Variants in BMPR1B observed in about 807,000 individuals in gnomAD.
The protein encoded by BMPR1B is bone morphogenetic protein receptor type-1B.
Under a neutral mutation model 59.1 loss-of-function variants are expected in BMPR1B, and 12 were observed. That is an observed-to-expected ratio of 0.20 (90% CI 0.13 to 0.33). The LOEUF is 0.33. Among genes scored for constraint, BMPR1B ranks in the 10% least tolerant of loss-of-function variants. BMPR1B has a pLI of 1.00. For missense variants in BMPR1B, 550 were observed against 610.9 expected, an observed-to-expected ratio of 0.90 and a Z score of 1.05; for synonymous variants, 237 against 207.3, an observed-to-expected ratio of 1.14 and a Z score of -1.23.
At position 94,982,611 on chromosome 4, in the gene BMPR1B, C is replaced by T. The variant is rs148179981; in HGVS notation, c.-112-13429C>T. ...TCCTCGTTGATATTAATGTGCAGCA[C>T]GATTTAAGAACCACTGGCCAAAAAC... On this transcript the variant is annotated intron_variant, in intron 2 of 12. Coordinates refer to ENST00000515059, the MANE Select transcript of BMPR1B (RefSeq NM_001203.3). 4.6e-5 allele frequency among the ~76,000 whole-genome samples: 7 copies of T among 152,238 alleles called. No individual in the cohort carries two copies. In the East Asian group the frequency reaches 7.7e-4, roughly 17 times the overall value.
intron 1 of BMPR1B, among the ~76,000 whole-genome samples, chr4:94,824,410 A>AT (rs1172464330): frequency 6.6e-6 from 1 of 152,210 alleles, no homozygotes; most frequent in African/African-American, 2.4e-5. Context: ...CACTGTGAGC[A>AT]TGTGAACAGA....
intron 3 of BMPR1B, among the ~76,000 whole-genome samples, chr4:95,008,784 AG>A (rs1488313411): frequency 6.6e-6 from 1 of 152,192 alleles, no homozygotes; most frequent in Non-Finnish European, 1.5e-5. Flanking sequence ...CAGTAAGAAA[AG>A]TAAATTTGGT....
At chr4:94,973,082 A>G (rs1730877840) in intron 2 of BMPR1B, among the ~76,000 whole-genome samples, 1 of 152,110 alleles carries the variant, frequency 6.6e-6, no homozygotes, top group Non-Finnish European at 1.5e-5. Flanking sequence ...GGGCACCAGC[A>G]ATAGCAAACT....
intron 1 of BMPR1B, among the ~76,000 whole-genome samples, chr4:94,857,071 ACT>A (rs1306811355): frequency 6.6e-6 from 1 of 152,156 alleles, no homozygotes; most frequent in African/African-American, 2.4e-5. Context: ...TGCTTCAGGA[ACT>A]CTTTCAGATT....
chr4:94,784,651 C>T (rs1049337305), intron 1 of BMPR1B, among the ~76,000 whole-genome samples: 1 of 152,094 alleles, frequency 6.6e-6, no homozygotes, highest in African/African-American at 2.4e-5. Context: ...AGCCACTGCA[C>T]CCAGCCTAAA....
intron 1 of BMPR1B, among the ~76,000 whole-genome samples, chr4:94,841,486 C>A (rs533009641): frequency 1.3e-5 from 2 of 152,268 alleles, no homozygotes; most frequent in East Asian, 1.9e-4. Flanking sequence ...TTAAGCCGGT[C>A]GGAAAAGCGC....
intron 6 of BMPR1B, among the ~76,000 whole-genome samples, chr4:95,116,421 G>GCGCGCGCACACGCACACACACACA: frequency 8.1e-6 from 1 of 123,198 alleles, no homozygotes; most frequent in African/African-American, 3.6e-5. Context: ...TTCAGCGCGC[G>GCGCGCGCACACGCACACACACACA]CACACACACA....
intron 2 of BMPR1B, among the ~76,000 whole-genome samples, chr4:94,954,538 T>C (rs1730069415): frequency 6.6e-6 from 1 of 152,212 alleles, no homozygotes; most frequent in Non-Finnish European, 1.5e-5. Flanking sequence ...CTTTGCAGAA[T>C]TGTGATGAGA....
intron 4 of BMPR1B, 46 bp from the exon 5 acceptor site, chr4:95,114,652 ACACACACACACACACACTGACT>A: frequency 1.6e-6 from 2 of 1,288,692 alleles, no homozygotes; most frequent in Non-Finnish European, 2.2e-6. Flanking sequence ...CTAGACACAC[ACACACACACACACACACTGACT>A]CACACACACA....
intron 2 of BMPR1B, among the ~76,000 whole-genome samples, chr4:94,909,571 T>C (rs768069363): frequency 6.6e-6 from 1 of 152,064 alleles, no homozygotes; most frequent in Non-Finnish European, 1.5e-5. Context: ...AAGTGGAACA[T>C]GTTAGTGATA....
intron 1 of BMPR1B, among the ~76,000 whole-genome samples, chr4:94,837,275 G>GT (rs1472725100): frequency 2.0e-5 from 3 of 149,542 alleles, no homozygotes; most frequent in African/African-American, 4.9e-5. Context: ...CTTTAAAGTA[G>GT]TTTTTTTCCA....
intron 2 of BMPR1B, among the ~76,000 whole-genome samples, chr4:94,932,588 T>C (rs775374821): frequency 3.3e-5 from 5 of 152,280 alleles, no homozygotes; most frequent in Non-Finnish European, 7.4e-5. Flanking sequence ...GAAACAGGTT[T>C]AGGGCAGTTT....
At chr4:95,133,666 G>T (rs77224072) in intron 10 of BMPR1B, among the ~76,000 whole-genome samples, 15,772 of 151,910 alleles carry the variant, frequency 0.1, 2,019 homozygotes, top group African/African-American at 0.3. Context: ...TGACCTTCGA[G>T]GCCCAAGCAG....
In BMPR1B at chr4:94,859,030, CTTAA is replaced by C. The variant is rs539873454; in HGVS notation, c.-182-16797_-182-16794del. ...GCATGTCAACATAATTTATAATTGC[CTTAA>C]TTATTTTATTAATGCAAGACTTTTA... On this transcript the variant is annotated intron_variant, in intron 1 of 12. Transcript: ENST00000515059. Among the ~76,000 whole-genome samples, 116 of 152,128 alleles carry C rather than the reference CTTAA, an allele frequency of 7.6e-4. 2 individuals are homozygous for C. The South Asian group carries it at 0.023, about 31-fold the overall frequency.
At chr4:94,809,984 A>G (rs1359314964) in intron 1 of BMPR1B, among the ~76,000 whole-genome samples, 2 of 152,190 alleles carry the variant, frequency 1.3e-5, no homozygotes, top group Non-Finnish European at 2.9e-5. Context: ...GTTGTCTAAA[A>G]CTATAGTGCA....
chr4:95,036,175 T>A (rs2149164598), intron 3 of BMPR1B, among the ~76,000 whole-genome samples: 2 of 152,278 alleles, frequency 1.3e-5, no homozygotes, highest in South Asian at 4.1e-4. Flanking sequence ...CAATGTGTAA[T>A]AATCGTATCA....
intron 2 of BMPR1B, among the ~76,000 whole-genome samples, chr4:94,899,183 C>T (rs1217652470): frequency 6.6e-6 from 1 of 151,958 alleles, no homozygotes; most frequent in Non-Finnish European, 1.5e-5. Context: ...TTCCCTCTGC[C>T]TCCCTCTCAT....
rs562576557 is a variant in BMPR1B at position 94,908,989 on chromosome 4, C to G, written c.-113+33089C>G. Among the ~76,000 whole-genome samples, 388 of 152,092 alleles carry G rather than the reference C, an allele frequency of 2.6e-3. 2 individuals are homozygous for G. Among genetic ancestry groups the G allele is most frequent in the Non-Finnish European group, 3.2e-3 (216 of 67,952 alleles). Reference sequence around the variant, plus strand: ...TGAAGGTGTTGGCAGGGCCATACTCCCTCTAAAAGTGCTAGGAAAGAATCC... The same window carrying G: ...TGAAGGTGTTGGCAGGGCCATACTCGCTCTAAAAGTGCTAGGAAAGAATCC... On this transcript the variant is annotated intron_variant, in intron 2 of 12. Transcript: ENST00000515059.
chr4:94,984,302 A>T (rs1347932800), intron 2 of BMPR1B, among the ~76,000 whole-genome samples: 1 of 152,208 alleles, frequency 6.6e-6, no homozygotes, highest in Non-Finnish European at 1.5e-5. Flanking sequence ...GTAACACCTG[A>T]TATGCATTTT....
Sources: gnomAD v4.1 joint callset for allele counts (sites outside exome capture counted in the v4.1 genomes callset) on GRCh38, gnomAD v4.1.1 for gene constraint, MANE v1.5 for transcripts, NCBI Gene and HGNC (gene_info 2026-07-23, HGNC 2026-07-21) for gene names.